The following POLN variants were observed in gnomAD, a reference collection of about 807,000 sequenced individuals.
The protein encoded by POLN is DNA polymerase N.
Under a neutral mutation model 113.5 loss-of-function variants are expected in POLN, and 108 were observed. That is an observed-to-expected ratio of 0.95 (90% confidence interval 0.81 to 1.12). The LOEUF (loss-of-function observed/expected upper bound fraction) is 1.12, where lower values mean the gene tolerates loss of function less well. Ranked by LOEUF, POLN falls within the 50% of genes most tolerant of loss-of-function variation. The pLI, the probability that POLN is intolerant of heterozygous loss-of-function variation, is 0.00. For missense variants in POLN, 1,097 were observed against 1,077.1 expected (o/e 1.02, Z -0.26); for synonymous variants, 386 against 391.5 (o/e 0.99, Z 0.17).
intron 23 of POLN, chr4:2,078,559 G>A (rs1172722766): frequency 2.0e-6 from 2 of 982,784 alleles, no homozygotes; most frequent in South Asian, 4.7e-5. Flanking sequence ...TAGGGGCACC[G>A]TGTGCCTCCC....
At position 2,176,301 on chromosome 4, in the gene POLN, A is replaced by T; in HGVS notation, c.1213T>A (p.Tyr405Asn). Residue 405 changes from tyrosine (Y) to asparagine (N), a missense_variant, in exon 9 of 26, where the codon TAC becomes AAC. Transcript: ENST00000511885. ...GAGCAAAGGTCCATTGTAAGTCTGT[A>T]GAGTGTCTTCAGGTTCTCACGTACA... ...QNVRENLKTL[Y>N]RLTMDLCSKL... is the part of the protein sequence containing the mutation. 6.2e-7 allele frequency: 1 copy of T among 1,601,750 alleles called. No homozygotes were observed. The highest frequency in any genetic ancestry group is 1.1e-5 in the South Asian group (1 of 88,102).
At chr4:2,104,432 T>A in intron 19 of POLN, among the ~76,000 whole-genome samples, 1 of 152,226 alleles carries the variant, frequency 6.6e-6, no homozygotes, top group East Asian at 1.9e-4. Flanking sequence ...GGTCATATGG[T>A]AACTCTGTAT....
chr4:2,106,508 G>C (rs552928153), intron 19 of POLN, among the ~76,000 whole-genome samples: 2 of 152,146 alleles, frequency 1.3e-5, no homozygotes, highest in Non-Finnish European at 2.9e-5. Context: ...ATGTGTGAAT[G>C]CCTAACCCAT....
At chr4:2,142,910 C>A (rs1732039524) in intron 16 of POLN, among the ~76,000 whole-genome samples, 1 of 151,692 alleles carries the variant, frequency 6.6e-6, no homozygotes, top group South Asian at 2.1e-4. Context: ...CCCTCACCCC[C>A]TCTGTTGGTT....
chr4:2,080,937 G>A (rs767629720), intron 23 of POLN, 21 bp downstream of exon 23: 2 of 1,613,662 alleles, frequency 1.2e-6, no homozygotes, highest in Non-Finnish European at 1.7e-6. Flanking sequence ...TCCAAGCCCT[G>A]GGAGACCACC....
At chr4:2,075,340 G>C (rs1014462505) in intron 24 of POLN, 112 bp downstream of exon 24, 29 of 1,128,728 alleles carry the variant, frequency 2.6e-5, no homozygotes, top group Non-Finnish European at 3.3e-5. Flanking sequence ...GTGGGGCAGG[G>C]GCCATAAAAG....
intron 16 of POLN, among the ~76,000 whole-genome samples, chr4:2,151,821 A>G (rs1258499857): frequency 1.3e-5 from 2 of 152,164 alleles, no homozygotes; most frequent in African/African-American, 4.8e-5. Context: ...TGGGTAAAAG[A>G]TGAGGAGTGG....
intron 16 of POLN, among the ~76,000 whole-genome samples, chr4:2,145,639 C>T (rs1383229033): frequency 1.3e-5 from 2 of 152,122 alleles, no homozygotes; most frequent in Non-Finnish European, 2.9e-5. Context: ...ACTTAAAAAT[C>T]TGGTAATACC....
chr4:2,092,160 G>A lies in POLN; in HGVS notation c.2065+3691C>T, dbSNP rs76659699. Among the ~76,000 whole-genome samples, 860 of 152,288 alleles carry A rather than the reference G, an allele frequency of 5.6e-3. 10 individuals carry two copies. Among genetic ancestry groups the A allele is most frequent in the African/African-American group, 0.02 (820 of 41,558 alleles). On this transcript the variant is annotated intron_variant, in intron 20 of 25. Transcript: ENST00000511885. ...GTGCTGTGCGCCCAGGCCTCCTCCC[G>A]TGTCTCCTCTGACAGGTGCGAGCCC...
intron 16 of POLN, among the ~76,000 whole-genome samples, chr4:2,145,807 C>T (rs867711153): frequency 5.9e-5 from 9 of 152,228 alleles, no homozygotes; most frequent in South Asian, 2.1e-4. Context: ...GAGAAACCCT[C>T]GCACATGTTC....
rs781471166 is a variant in POLN at position 2,159,109 on chromosome 4, C to T, written c.1611+46G>A. On this transcript the variant is annotated intron_variant, in intron 14 of 25. Coordinates refer to ENST00000511885, the MANE Select transcript of POLN (RefSeq NM_181808.4). Reference sequence around the variant, plus strand: ...TTGACAGACACAGGGCCATATGGTTCCCCCTCATCACCTTTTACCTTTTAC... The same window carrying T: ...TTGACAGACACAGGGCCATATGGTTTCCCCTCATCACCTTTTACCTTTTAC... The T allele has an allele frequency of 1.2e-5, 17 of 1,384,328 alleles. No individual in the cohort carries two copies. The South Asian group carries it at 1.6e-4, about 13-fold the overall frequency. 85.8% of individuals were successfully genotyped at this position (1,384,328 alleles called of 1,614,324 possible).
At chr4:2,229,367 AC>A (rs1219681454) in intron 2 of POLN, 124 bp from the exon 3 acceptor site, 7 of 813,880 alleles carry the variant, frequency 8.6e-6, no homozygotes, top group African/African-American at 1.8e-5. Context: ...ATTCATAACC[AC>A]AGAAAATAGG....
chr4:2,085,515 G>GA, intron 21 of POLN, 98 bp downstream of exon 21: 1 of 1,524,262 alleles, frequency 6.6e-7, no homozygotes, highest in Non-Finnish European at 8.9e-7. Flanking sequence ...CCAACCTCAG[G>GA]ACCCAGGGCC....
At chr4:2,080,663 C>A (rs1730386652) in intron 23 of POLN, 3 of 1,312,350 alleles carry the variant, frequency 2.3e-6, no homozygotes, top group Admixed American at 3.2e-5. Context: ...CTGGGGTGGG[C>A]AGCCTCAAGG....
intron 19 of POLN, among the ~76,000 whole-genome samples, chr4:2,113,426 G>A (rs1167189856): frequency 1.3e-5 from 2 of 151,980 alleles, no homozygotes; most frequent in Non-Finnish European, 2.9e-5. Context: ...GCATCTTTAA[G>A]TCATCACAAT....
chr4:2,220,384 G>A (rs1369278203), intron 3 of POLN, among the ~76,000 whole-genome samples: 3 of 152,150 alleles, frequency 2.0e-5, no homozygotes, highest in African/African-American at 4.8e-5. Flanking sequence ...GTCAATCCCC[G>A]TGGGCAGCTT....
At chr4:2,190,418 A>G (rs2108755749) in intron 7 of POLN, among the ~76,000 whole-genome samples, 1 of 152,286 alleles carries the variant, frequency 6.6e-6, no homozygotes, top group Non-Finnish European at 1.5e-5. Flanking sequence ...ACCTGAAACT[A>G]TGAAACATCT....
At chr4:2,205,734 G>A (rs988080846) in intron 5 of POLN, among the ~76,000 whole-genome samples, 15 of 152,040 alleles carry the variant, frequency 9.9e-5, no homozygotes, top group Admixed American at 2.6e-4. Context: ...TTAGCCGGGC[G>A]TGGTGGCACG....
At chr4:2,142,207 T>C (rs1383225332) in intron 16 of POLN, among the ~76,000 whole-genome samples, 2 of 152,264 alleles carry the variant, frequency 1.3e-5, no homozygotes, top group African/African-American at 4.8e-5. Context: ...CTTTTCTTGT[T>C]TCTGCTGTGC....
Sources: allele counts gnomAD v4.1 joint callset (sites outside exome capture counted in the v4.1 genomes callset), GRCh38; gene constraint gnomAD v4.1.1; transcripts MANE v1.5; gene names NCBI Gene and HGNC (gene_info 2026-07-23, HGNC 2026-07-21).